ISM1: variants seen among roughly 807,000 people sequenced by gnomAD.
ISM1 encodes the protein isthmin 1.
In ISM1, 25 loss-of-function variants were observed where a neutral mutation model predicts 46.3. The observed-to-expected ratio is 0.54, with a 90% CI of 0.39 to 0.75. The LOEUF (loss-of-function observed/expected upper bound fraction) is 0.75. Among genes scored for constraint, ISM1 ranks in the 30% least tolerant of loss-of-function variants. ISM1 has a pLI of 0.00. For synonymous variants in ISM1, 255 were observed against 256.7 expected (o/e 0.99, Z 0.06); for missense variants, 536 against 625.4 (o/e 0.86, Z 1.52).
chr20:13,311,243 TGATAGATA>T, the ISM1 span, among the ~76,000 whole-genome samples: 237 of 127,908 alleles, frequency 1.9e-3, no homozygotes, highest in East Asian at 0.013. Flanking sequence ...GATAGATAGA[TGATAGATA>T]GATAGATAGA....
chr20:13,249,010 A>T (rs1001308138), intron 1 of ISM1, among the ~76,000 whole-genome samples: 10 of 152,336 alleles, frequency 6.6e-5, no homozygotes, highest in African/African-American at 2.4e-4. Context: ...GATTGGCTAA[A>T]CATCGTGGGC....
In ISM1 at chr20:13,261,018, C is replaced by T. The variant is rs142532798; in HGVS notation, c.139-9486C>T. Among the ~76,000 whole-genome samples, 5 of 152,180 alleles carry T rather than the reference C, an allele frequency of 3.3e-5. No homozygotes were observed. The East Asian group carries it at 7.7e-4, about 23-fold the overall frequency. On this transcript the variant is annotated intron_variant, in intron 1 of 5. Coordinates refer to ENST00000262487, the MANE Select transcript of ISM1 (RefSeq NM_080826.2). ...AACAGGCTAGCTTGGCCTTCTTCAC[C>T]GAGTGTTCTCAGCATTCCAAAGAGC...
At chr20:13,247,682 G>C (rs941232041) in intron 1 of ISM1, among the ~76,000 whole-genome samples, 1 of 152,104 alleles carries the variant, frequency 6.6e-6, no homozygotes, top group East Asian at 1.9e-4. Context: ...CAGCCAAGTC[G>C]TGTTTGCACC....
chr20:13,278,287 A>C (rs1274923596), intron 2 of ISM1, among the ~76,000 whole-genome samples: 4 of 152,188 alleles, frequency 2.6e-5, no homozygotes, highest in Non-Finnish European at 5.9e-5. Context: ...ATCTGAGAAC[A>C]AGTTCTAGCT....
At chr20:13,255,135 G>A (rs1368346220) in intron 1 of ISM1, among the ~76,000 whole-genome samples, 1 of 152,200 alleles carries the variant, frequency 6.6e-6, no homozygotes, top group East Asian at 1.9e-4. Flanking sequence ...CTTTTAAAGG[G>A]TGGGAAAGAA....
intron 2 of ISM1, among the ~76,000 whole-genome samples, chr20:13,274,677 C>G (rs1010140186): frequency 9.3e-5 from 14 of 151,166 alleles, no homozygotes; most frequent in African/African-American, 1.5e-4. Flanking sequence ...CCCGCCCCCC[C>G]CGCGCCCGGC....
At chr20:13,231,647 T>C (rs2039589419) in intron 1 of ISM1, among the ~76,000 whole-genome samples, 1 of 152,224 alleles carries the variant, frequency 6.6e-6, no homozygotes, top group African/African-American at 2.4e-5. Flanking sequence ...CCTGTTGGCC[T>C]GACTCATGCA....
chr20:13,232,201 A>G (rs2039596934), intron 1 of ISM1, among the ~76,000 whole-genome samples: 1 of 152,222 alleles, frequency 6.6e-6, no homozygotes, highest in African/African-American at 2.4e-5. Context: ...AATAAACTGT[A>G]CATATTTAAA....
chr20:13,264,772 G>A lies in ISM1; in HGVS notation c.139-5732G>A, dbSNP rs73261102. On this transcript the variant is annotated intron_variant, in intron 1 of 5. Transcript: ENST00000262487. ...TATAAAGGACACAAGTGATTAAAAC[G>A]TGTGGATTTGTCATCTGAGAAAAAC... Among the ~76,000 whole-genome samples the A allele has an allele frequency of 7.1e-3, 1,080 of 152,314 alleles. 20 individuals carry two copies. The highest frequency in any genetic ancestry group is 0.023 in the African/African-American group (950 of 41,566).
chr20:13,232,150 A>T (rs571536786), intron 1 of ISM1, among the ~76,000 whole-genome samples: 10 of 152,286 alleles, frequency 6.6e-5, no homozygotes, highest in African/African-American at 1.9e-4. Context: ...TTTTATTATT[A>T]TTTTTTTAAA....
chr20:13,302,900 C>G (rs590857), downstream of ISM1, among the ~76,000 whole-genome samples: 1 of 151,892 alleles, frequency 6.6e-6, no homozygotes, highest in African/African-American at 2.4e-5. Flanking sequence ...TTCATGTAAC[C>G]GCCATGATTA....
At chr20:13,234,155 C>T (rs75826321) in intron 1 of ISM1, among the ~76,000 whole-genome samples, 10,224 of 152,166 alleles carry the variant, frequency 0.067, 475 homozygotes, top group Middle Eastern at 0.14. Context: ...TGTCTGATTA[C>T]TCTTTGTATG....
Position 13,246,885 on chromosome 20 carries a change from T to C in ISM1, c.139-23619T>C, listed in dbSNP as rs190443810. On this transcript the variant is annotated intron_variant, in intron 1 of 5. Coordinates refer to ENST00000262487, the MANE Select transcript of ISM1 (RefSeq NM_080826.2). The stretch of plus-strand genomic sequence containing the variant: ...CATTGTAATTAATATCCTTCTCTCT[T>C]TTTTTTTTAAACCATTCCAGGGGAA... Among the ~76,000 whole-genome samples, 167 of 150,944 alleles carry C rather than the reference T, an allele frequency of 1.1e-3. 2 individuals are homozygous for C. Among genetic ancestry groups the C allele is most frequent in the African/African-American group, 3.7e-3 (153 of 41,224 alleles).
Position 13,299,051 on chromosome 20 carries a change from G to A in ISM1, c.987G>A (p.Glu329=). 1.9e-6 allele frequency: 3 copies of A among 1,613,792 alleles called. No homozygotes were observed. The highest frequency in any genetic ancestry group is 2.5e-6 in the Non-Finnish European group (3 of 1,179,846). Residue 329 remains glutamate, a synonymous_variant, in exon 6 of 6, where the codon GAG becomes GAA. Coordinates refer to ENST00000262487, the MANE Select transcript of ISM1 (RefSeq NM_080826.2). This position sits in a 1 kb window ranked among gnomAD's most constrained non-coding sequence, Gnocchi z 5.8. The part of the protein sequence containing the change: ...LPSCPCSYPT[E]VAYSTADIFD... ...GCTGCCCCTGCTCCTACCCCACTGA[G>A]GTGGCCTACAGCACGGCCGACATCT... is the stretch of plus-strand genomic sequence containing the variant.
chr20:13,270,448 G>A (rs2040099109), intron 1 of ISM1, 56 bp from the exon 2 acceptor site: 3 of 1,550,304 alleles, frequency 1.9e-6, no homozygotes, highest in Non-Finnish European at 1.7e-6. Context: ...TGTTAAGGGT[G>A]ACATTTTTTA....
chr20:13,270,382 C>A lies in ISM1; in HGVS notation c.139-122C>A. On this transcript the variant is annotated intron_variant, in intron 1 of 5. Coordinates refer to ENST00000262487, the MANE Select transcript of ISM1 (RefSeq NM_080826.2). ...GGGTTTGCAAAACAAGTTTGGAATG[C>A]CCTACTGGCTTAATTTCAGCCACTG... 7 of 1,094,846 alleles carry A rather than the reference C, an allele frequency of 6.4e-6. No homozygotes were observed. The South Asian group carries it at 1.1e-4, about 17-fold the overall frequency. The allele number at this position is 1,094,846 out of a possible 1,614,324, so 67.8% of individuals were successfully genotyped here.
At chr20:13,293,397 A>G (rs2040374614) in intron 5 of ISM1, among the ~76,000 whole-genome samples, 2 of 152,232 alleles carry the variant, frequency 1.3e-5, no homozygotes, top group South Asian at 2.1e-4. Context: ...AGGATTGTAG[A>G]AGGGTAAAAT....
chr20:13,279,997 CT>C (rs1476530386), intron 3 of ISM1, 99 bp downstream of exon 3: 31 of 1,221,836 alleles, frequency 2.5e-5, no homozygotes, highest in Non-Finnish European at 2.7e-5. Flanking sequence ...GAGCATGTGG[CT>C]TTTGGTCTTC....
chr20:13,279,689 C>T lies in ISM1; in HGVS notation c.434C>T (p.Pro145Leu), dbSNP rs748803763. ...PDSEADKDQH[P>L]ENKPSWSVPS... ...TCTGAAGCAGATAAAGATCAGCATC[C>T]GGAGAATAAGCCCAGCTGGTCAGTC... Residue 145 changes from proline (P) to leucine (L), a missense_variant, in exon 3 of 6, where the codon CCG becomes CTG. Physicochemically the swap from Pro to Leu is moderately conservative, Grantham distance 98. This residue lies in a region of ISM1 where 367 missense variants were observed against 376.1 expected (regional missense o/e 0.98). Coordinates refer to ENST00000262487, the MANE Select transcript of ISM1 (RefSeq NM_080826.2). 178 of 1,613,958 alleles carry T rather than the reference C, an allele frequency of 1.1e-4. No homozygotes were observed. The highest frequency in any genetic ancestry group is 1.6e-4 in the African/African-American group (12 of 75,020).
Sources: allele counts gnomAD v4.1 joint callset (sites outside exome capture counted in the v4.1 genomes callset), GRCh38; gene constraint gnomAD v4.1.1; regional missense constraint gnomAD v4.1.1; non-coding constraint Gnocchi (gnomAD v3.1); transcripts MANE v1.5; gene names NCBI Gene and HGNC (gene_info 2026-07-23, HGNC 2026-07-21).